ZKSCAN5: variants seen among roughly 807,000 people sequenced by gnomAD.
The protein encoded by ZKSCAN5 is zinc finger with KRAB and SCAN domains 5.
Under a neutral mutation model 60.0 loss-of-function variants are expected in ZKSCAN5, and 28 were observed. The observed-to-expected ratio is 0.47, with a 90% CI of 0.35 to 0.64. ZKSCAN5 has a LOEUF of 0.64. Among genes scored for constraint, ZKSCAN5 ranks in the 30% least tolerant of loss-of-function variants. ZKSCAN5 has a pLI of 0.01. For missense variants in ZKSCAN5, 881 were observed against 1,034.6 expected (o/e 0.85, Z 2.04); for synonymous variants, 361 against 371.2 (o/e 0.97, Z 0.31).
chr7:99,507,855 G>A lies in ZKSCAN5; in HGVS notation c.414+1397G>A, dbSNP rs1800838453. ...TGGTAGTTTGAGGCTGCAGTGAGCT[G>A]TGATTTTGCCACTGTATTCCAGCCT... On this transcript the variant is annotated intron_variant, in intron 2 of 6. Coordinates refer to ENST00000326775, the MANE Select transcript of ZKSCAN5 (RefSeq NM_145102.4). Among the ~76,000 whole-genome samples the A allele has an allele frequency of 2.0e-5, 3 of 151,948 alleles. No homozygotes were observed. The South Asian group carries it at 6.2e-4, about 31-fold the overall frequency.
At position 99,532,306 on chromosome 7, in the gene ZKSCAN5, G is replaced by A; in HGVS notation, c.*57G>A. ...GAGGGAAACCATACTCCTATAATGA[G>A]CAAAGTAACAACTTCAAGCATTTTT... On this transcript the variant is annotated 3_prime_UTR_variant, in exon 7 of 7. Transcript: ENST00000326775. 6.8e-7 allele frequency: 1 copy of A among 1,465,296 alleles called. No homozygotes were observed. The allele number at this position is 1,465,296 out of a possible 1,614,324, so 90.8% of individuals were successfully genotyped here.
chr7:99,508,856 C>G (rs1428857732), intron 2 of ZKSCAN5, among the ~76,000 whole-genome samples: 1 of 150,172 alleles, frequency 6.7e-6, no homozygotes, highest in East Asian at 1.9e-4. Flanking sequence ...CTCTGTCACC[C>G]AGACTGTAGT....
Position 99,533,646 on chromosome 7 carries a change from T to C in ZKSCAN5, c.*1397T>C. On this transcript the variant is annotated 3_prime_UTR_variant, in exon 7 of 7. Coordinates refer to ENST00000326775, the MANE Select transcript of ZKSCAN5 (RefSeq NM_145102.4). ...CACTTCCTCTCTACACCCCAACACC[T>C]GGTTCATTTGATTAAAGCGGAGAAA... 2.5e-6 allele frequency: 1 copy of C among 402,730 alleles called. No individual in the cohort carries two copies. 24.9% of individuals were successfully genotyped at this position (402,730 alleles called of 1,614,324 possible). A position where few individuals can be genotyped will look rare whatever the true frequency, so the allele number is the denominator to read the frequency against.
intron 5 of ZKSCAN5, among the ~76,000 whole-genome samples, chr7:99,523,495 C>A (rs1395142121): frequency 6.6e-6 from 1 of 152,082 alleles, no homozygotes; most frequent in African/African-American, 2.4e-5. Flanking sequence ...GTGGTGCATG[C>A]CTGTAGAGGC....
At chr7:99,526,645 C>T (rs1045113937) in intron 6 of ZKSCAN5, among the ~76,000 whole-genome samples, 5 of 152,166 alleles carry the variant, frequency 3.3e-5, no homozygotes, top group Admixed American at 3.3e-4. Flanking sequence ...ACTTCTGCCT[C>T]CCCGGTTCAA....
intron 2 of ZKSCAN5, among the ~76,000 whole-genome samples, chr7:99,509,491 G>C (rs1452158523): frequency 6.8e-6 from 1 of 147,918 alleles, no homozygotes; most frequent in Non-Finnish European, 1.5e-5. Context: ...TTTTGAGACA[G>C]AGTCTCACTC....
chr7:99,529,419 G>T (rs1412177899), intron 6 of ZKSCAN5, among the ~76,000 whole-genome samples: 1 of 152,120 alleles, frequency 6.6e-6, no homozygotes, highest in East Asian at 1.9e-4. Context: ...GGGATTATAG[G>T]CACGAGTCAC....
Position 99,525,897 on chromosome 7 carries a change from C to T in ZKSCAN5, c.857C>T (p.Thr286Ile), listed in dbSNP as rs1174105412. The T allele has an allele frequency of 6.2e-7, 1 of 1,613,888 alleles. No individual in the cohort carries two copies. The highest frequency in any genetic ancestry group is 1.7e-5 in the Admixed American group (1 of 59,948). Residue 286 changes from threonine (T) to isoleucine (I), a missense_variant, in exon 6 of 7, where the codon ACC (threonine) becomes ATC (isoleucine). This residue lies in a region of ZKSCAN5 where 490 missense variants were observed against 554.5 expected (regional missense o/e 0.88). Coordinates refer to ENST00000326775, the MANE Select transcript of ZKSCAN5 (RefSeq NM_145102.4). ...TCACACTGGGTGGCGCCAGAACACACCGAAAGGAGCGTTCCTCAGGATCCA... is the reference window on the plus strand; with the variant it reads ...TCACACTGGGTGGCGCCAGAACACATCGAAAGGAGCGTTCCTCAGGATCCA... ...SESHWVAPEH[T>I]ERSVPQDPDF...
chr7:99,527,983 C>T (rs149338895), intron 6 of ZKSCAN5, among the ~76,000 whole-genome samples: 361 of 152,194 alleles, frequency 2.4e-3, no homozygotes, highest in Non-Finnish European at 4.2e-3. Context: ...GCTACCATGC[C>T]GGGCCAGTAT....
In ZKSCAN5 at chr7:99,506,056, C is replaced by T. The variant is rs896079584; in HGVS notation, c.12C>T (p.Thr4=). MIM[T]ESREVIDLDP... ...CCCTCTGAGTTGGAATGATAATGAC[C>T]GAATCCCGAGAAGTTATAGACTTAG... Residue 4 remains threonine (T), a synonymous_variant, in exon 2 of 7, where the codon ACC becomes ACT. Transcript: ENST00000326775. 1.9e-6 allele frequency: 3 copies of T among 1,613,096 alleles called. No individual in the cohort carries two copies. Among genetic ancestry groups the T allele is most frequent in the African/African-American group, 2.7e-5 (2 of 74,820 alleles).
At chr7:99,510,616 G>A (rs757925860) in intron 2 of ZKSCAN5, among the ~76,000 whole-genome samples, 30 of 151,288 alleles carry the variant, frequency 2.0e-4, no homozygotes, top group Admixed American at 7.3e-4. Context: ...GGCTAACTTT[G>A]TATTTTTGGT....
chr7:99,506,714 G>C (rs1462207244), intron 2 of ZKSCAN5, among the ~76,000 whole-genome samples: 1 of 152,142 alleles, frequency 6.6e-6, no homozygotes. Context: ...ACGGAGTCTC[G>C]CTCTGTCGCC....
At chr7:99,528,354 T>C (rs983477243) in intron 6 of ZKSCAN5, among the ~76,000 whole-genome samples, 1 of 152,184 alleles carries the variant, frequency 6.6e-6, no homozygotes, top group African/African-American at 2.4e-5. Context: ...GTTTTCTACC[T>C]TCCCTGCAAT....
chr7:99,506,662 A>AT (rs1409372050), intron 2 of ZKSCAN5, among the ~76,000 whole-genome samples: 2 of 152,100 alleles, frequency 1.3e-5, no homozygotes, highest in African/African-American at 4.8e-5. Context: ...GATCTTATTT[A>AT]TTTTTTAAAT....
rs965466017 is a variant in ZKSCAN5 at position 99,533,187 on chromosome 7, G to A, written c.*938G>A. On this transcript the variant is annotated 3_prime_UTR_variant, in exon 7 of 7. Coordinates refer to ENST00000326775, the MANE Select transcript of ZKSCAN5 (RefSeq NM_145102.4). Reference sequence around the variant, plus strand: ...GGTGCCCCAGAAATAGACCTCTCCTGTAGAGTGGTGATATACAGAATGAGT... The same window carrying A: ...GGTGCCCCAGAAATAGACCTCTCCTATAGAGTGGTGATATACAGAATGAGT... 1.6e-6 allele frequency: 1 copy of A among 610,170 alleles called. No individual in the cohort carries two copies. Among genetic ancestry groups the A allele is most frequent in the Admixed American group, 2.1e-5 (1 of 47,092 alleles). The allele number at this position is 610,170 out of a possible 1,614,324, so 37.8% of individuals were successfully genotyped here. A position where few individuals can be genotyped will look rare whatever the true frequency, so the allele number is the denominator to read the frequency against.
chr7:99,512,071 C>T (rs142398321), intron 2 of ZKSCAN5, among the ~76,000 whole-genome samples: 6 of 152,280 alleles, frequency 3.9e-5, no homozygotes, highest in African/African-American at 7.2e-5. Flanking sequence ...GGATTACAGG[C>T]GTGAGCCACC....
chr7:99,513,844 A>AG (rs1562905909), intron 3 of ZKSCAN5: 1 of 188,792 alleles, frequency 5.3e-6, no homozygotes, highest in Non-Finnish European at 1.2e-5. Flanking sequence ...CCTGGCCAAC[A>AG]TGATGAAACC....
chr7:99,515,210 G>A (rs1482189499), intron 3 of ZKSCAN5, among the ~76,000 whole-genome samples: 1 of 152,032 alleles, frequency 6.6e-6, no homozygotes, highest in African/African-American at 2.4e-5. Context: ...TTTGAGACCA[G>A]CCTGGTCAAC....
Position 99,533,548 on chromosome 7 carries a change from T to C in ZKSCAN5, c.*1299T>C. 2.4e-6 allele frequency: 1 copy of C among 412,088 alleles called. No homozygotes were observed. Among genetic ancestry groups the C allele is most frequent in the Non-Finnish European group, 4.3e-6 (1 of 233,618 alleles). The allele number at this position is 412,088 out of a possible 1,614,324, so 25.5% of individuals were successfully genotyped here. On this transcript the variant is annotated 3_prime_UTR_variant, in exon 7 of 7. Coordinates refer to ENST00000326775, the MANE Select transcript of ZKSCAN5 (RefSeq NM_145102.4). ...TGCTCTGAGTTTGGGCTGCAAGTGCTCACAGCTCTTGTTCTCCAGAAACTG... is the reference window on the plus strand; with the variant it reads ...TGCTCTGAGTTTGGGCTGCAAGTGCCCACAGCTCTTGTTCTCCAGAAACTG...
Sources: gnomAD v4.1 joint callset for allele counts (sites outside exome capture counted in the v4.1 genomes callset) on GRCh38, gnomAD v4.1.1 for gene constraint, gnomAD v4.1.1 regional missense constraint, MANE v1.5 for transcripts, NCBI Gene and HGNC (gene_info 2026-07-23, HGNC 2026-07-21) for gene names.